Variants in TNR observed in about 807,000 individuals in gnomAD.
TNR encodes the protein tenascin-R.
A neutral mutation model predicts 150.4 loss-of-function variants in TNR; 45 were observed. The observed-to-expected ratio is 0.30, with a 90% CI of 0.24 to 0.38. TNR has a LOEUF of 0.38. Among genes scored for constraint, TNR ranks in the 10% least tolerant of loss-of-function variants. TNR has a pLI of 1.00. For synonymous variants in TNR, 687 were observed against 678.4 expected (o/e 1.01, Z -0.20); for missense variants, 1,544 against 1,759.1 (o/e 0.88, Z 2.19).
chr1:175,344,359 G>C (rs1481006191), intron 18 of TNR, among the ~76,000 whole-genome samples: 1 of 152,156 alleles, frequency 6.6e-6, no homozygotes, highest in Non-Finnish European at 1.5e-5. Flanking sequence ...TTTAACTTTA[G>C]GAAGTTGACA....
chr1:175,332,690 C>T (rs966887930), intron 20 of TNR, among the ~76,000 whole-genome samples: 1 of 152,198 alleles, frequency 6.6e-6, no homozygotes, highest in Non-Finnish European at 1.5e-5. Flanking sequence ...CCTCCCTGGC[C>T]TAAGTTTGCA....
At chr1:175,730,189 C>G (rs532130518) in intron 1 of TNR, among the ~76,000 whole-genome samples, 3 of 152,286 alleles carry the variant, frequency 2.0e-5, no homozygotes, top group Admixed American at 2.0e-4. Flanking sequence ...TTCCAATATG[C>G]CTTTTCTAGG....
chr1:175,324,970 A>G (rs1429362575), intron 21 of TNR, among the ~76,000 whole-genome samples: 1 of 152,218 alleles, frequency 6.6e-6, no homozygotes, highest in Non-Finnish European at 1.5e-5. Flanking sequence ...ATGACACCCA[A>G]GAAACTGCAT....
intron 1 of TNR, among the ~76,000 whole-genome samples, chr1:175,543,675 T>C (rs1484087989): frequency 1.3e-5 from 2 of 152,128 alleles, no homozygotes; most frequent in Non-Finnish European, 2.9e-5. Flanking sequence ...TCTGGGAAAC[T>C]CGTAATTTAT....
intron 1 of TNR, among the ~76,000 whole-genome samples, chr1:175,542,265 T>C (rs570099961): frequency 2.0e-5 from 3 of 152,178 alleles, no homozygotes; most frequent in Non-Finnish European, 4.4e-5. Flanking sequence ...ATACCCCTCC[T>C]CTCTGGTATT....
At chr1:175,657,105 GC>G (rs1465392404) in intron 1 of TNR, among the ~76,000 whole-genome samples, 1 of 152,162 alleles carries the variant, frequency 6.6e-6, no homozygotes, top group Non-Finnish European at 1.5e-5. Flanking sequence ...GTCCTTTAGG[GC>G]TGGTGGTTCT....
At chr1:175,699,986 A>C (rs550948400) in intron 1 of TNR, among the ~76,000 whole-genome samples, 3 of 152,058 alleles carry the variant, frequency 2.0e-5, no homozygotes, top group African/African-American at 7.2e-5. Flanking sequence ...AGGATTAAAT[A>C]CACAAGACTT....
chr1:175,555,654 T>C (rs1055575770), intron 1 of TNR, among the ~76,000 whole-genome samples: 5 of 152,098 alleles, frequency 3.3e-5, no homozygotes, highest in Admixed American at 1.3e-4. Flanking sequence ...TTGTCAAGGG[T>C]ATTTGGTCTC....
chr1:175,447,950 G>A (rs1656136198), intron 2 of TNR, among the ~76,000 whole-genome samples: 1 of 152,178 alleles, frequency 6.6e-6, no homozygotes, highest in African/African-American at 2.4e-5. Flanking sequence ...CATGTAGAAA[G>A]GGCTCAATAA....
At chr1:175,619,369 C>T (rs1456924878) in intron 1 of TNR, among the ~76,000 whole-genome samples, 1 of 152,124 alleles carries the variant, frequency 6.6e-6, no homozygotes, top group African/African-American at 2.4e-5. Flanking sequence ...GGATGGCCTC[C>T]CAGGACAATG....
intron 1 of TNR, among the ~76,000 whole-genome samples, chr1:175,585,921 A>C (rs562615561): frequency 4.6e-5 from 7 of 152,330 alleles, no homozygotes; most frequent in Non-Finnish European, 1.0e-4. Context: ...TAGGCTGCTC[A>C]GGGCTCCAGC....
intron 2 of TNR, among the ~76,000 whole-genome samples, chr1:175,517,178 C>G (rs1259232022): frequency 6.6e-6 from 1 of 152,172 alleles, no homozygotes; most frequent in Non-Finnish European, 1.5e-5. Flanking sequence ...CCTACCTCCC[C>G]CCAACATTTC....
intron 1 of TNR, among the ~76,000 whole-genome samples, chr1:175,627,023 C>G (rs868080895): frequency 3.9e-5 from 6 of 152,206 alleles, no homozygotes; most frequent in African/African-American, 9.6e-5. Context: ...TCAGAGGAAC[C>G]TAGATCCTGT....
At chr1:175,662,022 G>A (rs554313546) in intron 1 of TNR, among the ~76,000 whole-genome samples, 3 of 152,074 alleles carry the variant, frequency 2.0e-5, no homozygotes, top group African/African-American at 7.2e-5. Flanking sequence ...CAAAGGCAAA[G>A]AGCTTGGCCT....
chr1:175,601,923 T>G (rs115872954), intron 1 of TNR, among the ~76,000 whole-genome samples: 3,056 of 152,164 alleles, frequency 0.02, 79 homozygotes, highest in African/African-American at 0.065. Flanking sequence ...AAGCCATGAA[T>G]AAATGCACAC....
chr1:175,464,967 C>G (rs1212744842), intron 2 of TNR, among the ~76,000 whole-genome samples: 1 of 152,100 alleles, frequency 6.6e-6, no homozygotes, highest in Non-Finnish European at 1.5e-5. Context: ...CTCATCCTGC[C>G]CTGCCTGTTC....
rs546171182 is a variant in TNR, at chr1:175,488,002, G to A, written c.-64+40267C>T. Among the ~76,000 whole-genome samples, 13 of 152,282 alleles carry A rather than the reference G, an allele frequency of 8.5e-5. No homozygotes were observed. In the South Asian group the frequency reaches 2.5e-3, roughly 29 times the overall value. On this transcript the variant is annotated intron_variant, in intron 2 of 22. Coordinates refer to ENST00000367674, the MANE Select transcript of TNR (RefSeq NM_003285.3). ...GGTGGGCCTTGGGTGAGAGCATTGA[G>A]CTGTTTTCTGGCATGCATAAGGGTG...
At chr1:175,393,358 G>GTGCATC (rs1653266581) in intron 6 of TNR, among the ~76,000 whole-genome samples, 1 of 152,192 alleles carries the variant, frequency 6.6e-6, no homozygotes, top group Non-Finnish European at 1.5e-5. Context: ...CTTTTCTGTG[G>GTGCATC]TGCATCTGTC....
At chr1:175,516,855 T>C (rs1026135401) in intron 2 of TNR, among the ~76,000 whole-genome samples, 1 of 152,204 alleles carries the variant, frequency 6.6e-6, no homozygotes, top group Non-Finnish European at 1.5e-5. Flanking sequence ...TTTTCTTTGT[T>C]GATAGAAGAA....
Sources: allele counts gnomAD v4.1 joint callset (sites outside exome capture counted in the v4.1 genomes callset), GRCh38; gene constraint gnomAD v4.1.1; transcripts MANE v1.5; gene names NCBI Gene and HGNC (gene_info 2026-07-23, HGNC 2026-07-21).